The following GPKOW variants were observed in gnomAD, a reference collection of about 807,000 sequenced individuals.
GPKOW encodes G-patch domain and KOW motifs, also known as G-patch domain and KOW motifs-containing protein.
For synonymous variants in GPKOW, 167 were observed against 159.1 expected, an observed-to-expected ratio of 1.05 and a Z score of -0.37; for missense variants, 359 against 404.7, an observed-to-expected ratio of 0.89 and a Z score of 0.97.
rs782792236 is a variant in GPKOW, at chrX:49,115,811, A to AG, written c.1141-17dup. The AG allele has an allele frequency of 8.4e-7, 1 of 1,197,593 alleles. No homozygotes were observed. Among genetic ancestry groups the AG allele is most frequent in the South Asian group, 1.8e-5 (1 of 56,635 alleles). The stretch of plus-strand genomic sequence containing the variant: ...CAATTATCATCTGGGGATACAGGTC[A>AG]GGGGGATGTGAGATTTTAGAGAGGT... On this transcript the variant is annotated splice_polypyrimidine_tract_variant and intron_variant, in intron 8 of 10. Coordinates refer to ENST00000156109, the MANE Select transcript of GPKOW (RefSeq NM_015698.6).
intron 3 of GPKOW, among the ~76,000 whole-genome samples, chrX:49,121,557 G>A (rs1482152758): frequency 9.0e-6 from 1 of 111,368 alleles, no homozygotes; most frequent in Non-Finnish European, 1.9e-5. Context: ...AAAAGAAGCA[G>A]TGCAAGAAAT....
intron 10 of GPKOW, 40 bp downstream of exon 10, chrX:49,113,813 G>C: frequency 8.3e-7 from 1 of 1,202,344 alleles, no homozygotes; most frequent in Non-Finnish European, 1.1e-6. Context: ...GACAGGCCCT[G>C]AACGACCCAC....
At chrX:49,117,235 C>A in intron 5 of GPKOW, 73 bp from the exon 6 acceptor site, 1 of 1,062,406 alleles carries the variant, frequency 9.4e-7, no homozygotes, top group East Asian at 3.0e-5. Context: ...AAGATGTCAA[C>A]CCCTTACCTC....
chrX:49,122,549 G>C (rs782263586), intron 2 of GPKOW, 27 bp from the exon 3 acceptor site: 2 of 1,207,334 alleles, frequency 1.7e-6, no homozygotes, highest in East Asian at 5.9e-5. Context: ...AGGGAGCAAT[G>C]AAGTCCCACT....
chrX:49,118,925 C>G (rs1401048235), intron 4 of GPKOW, among the ~76,000 whole-genome samples: 1 of 99,393 alleles, frequency 1.0e-5, no homozygotes, highest in African/African-American at 3.6e-5. Flanking sequence ...ACTGTATGTG[C>G]TTTATGTATA....
intron 9 of GPKOW, 125 bp downstream of exon 9, chrX:49,115,601 G>A: frequency 2.0e-6 from 1 of 505,347 alleles, no homozygotes; most frequent in Non-Finnish European, 3.5e-6. Flanking sequence ...CTAATGTTCT[G>A]TAAGAGGATG....
rs1195303596 is a variant in GPKOW at position 49,117,775 on chromosome X, T to C, written c.602A>G (p.Lys201Arg). The change falls in exon 5 of 11, where the codon AAG (lysine) becomes AGG (arginine). Residue 201 changes from lysine to arginine, a missense_variant. By Grantham distance (26) the Lys-to-Arg change is conservative (BLOSUM62 2). Transcript: ENST00000156109. ...VKPRVNSLRPKGLGLGANLTE... is the reference protein window; with the variant it reads ...VKPRVNSLRPRGLGLGANLTE... ...CAGGTTGGCACCCAGCCCTAACCCC[T>C]TGGGCCTCAGTGAGTTGACACGGGG... 1 of 1,206,195 alleles carries C rather than the reference T, an allele frequency of 8.3e-7. No homozygotes were observed. The highest frequency in any genetic ancestry group is 1.1e-6 in the Non-Finnish European group (1 of 891,578).
At chrX:49,119,675 C>T in intron 4 of GPKOW, 30 bp downstream of exon 4, 1 of 906,243 alleles carries the variant, frequency 1.1e-6, no homozygotes, top group Non-Finnish European at 1.6e-6. Flanking sequence ...GATGATCTGT[C>T]TGTCCCCTCG....
Position 49,113,748 on chromosome X carries a change from T to C in GPKOW, c.1304A>G (p.His435Arg). The C allele has an allele frequency of 8.3e-7, 1 of 1,207,733 alleles. No homozygotes were observed. The highest frequency in any genetic ancestry group is 1.1e-6 in the Non-Finnish European group (1 of 893,412). ...CCGTGCTCTGTCCCGGCTCAGCAAA[T>C]GTCCCACCTGGAACAGAGGTGAAGT... ...VLGPQTGRVGHLLSRDRARSR... is the reference protein window; with the variant it reads ...VLGPQTGRVGRLLSRDRARSR... Residue 435 changes from histidine to arginine, a missense_variant, in exon 11 of 11, where the codon CAT becomes CGT. Transcript: ENST00000156109.
intron 3 of GPKOW, among the ~76,000 whole-genome samples, chrX:49,121,714 T>C (rs1351452680): frequency 9.0e-6 from 1 of 110,930 alleles, no homozygotes; most frequent in East Asian, 2.8e-4. Context: ...GTTGCCTCAC[T>C]GATGGACACA....
intron 5 of GPKOW, 80 bp downstream of exon 5, chrX:49,117,517 C>A (rs2065197563): frequency 2.7e-6 from 2 of 728,579 alleles, no homozygotes; most frequent in African/African-American, 4.2e-5. Flanking sequence ...TACCTCAAAT[C>A]CAATTATTCC....
Position 49,123,618 on chromosome X carries a change from C to G in GPKOW, c.105G>C (p.Ser35=). The change falls in exon 1 of 11, where the codon TCG becomes TCC. Residue 35 remains serine, a synonymous_variant. Coordinates refer to ENST00000156109, the MANE Select transcript of GPKOW (RefSeq NM_015698.6). The part of the protein sequence containing the change: ...RTSARRRLAD[S]GDGAGPSPEE... ...CCGGAGATGGCCCCGCGCCGTCTCCCGAGTCGGCCAGCCGCCTCCGTGCGG... is the reference window on the plus strand; with the variant it reads ...CCGGAGATGGCCCCGCGCCGTCTCCGGAGTCGGCCAGCCGCCTCCGTGCGG... 8.3e-7 allele frequency: 1 copy of G among 1,209,303 alleles called. No homozygotes were observed. Among genetic ancestry groups the G allele is most frequent in the Non-Finnish European group, 1.1e-6 (1 of 894,175 alleles).
Position 49,123,646 on chromosome X carries a change from G to A in GPKOW, c.77C>T (p.Thr26Met), listed in dbSNP as rs782123837. 3.3e-6 allele frequency: 4 copies of A among 1,210,012 alleles called. No homozygotes were observed. The highest frequency in any genetic ancestry group is 2.2e-5 in the Admixed American group (1 of 45,957). The change falls in exon 1 of 11, where the codon ACG (threonine) becomes ATG (methionine). Residue 26 changes from threonine (T) to methionine (M), a missense_variant. Thr to Met is a moderately conservative substitution (Grantham distance 81). Transcript: ENST00000156109. ...TAPISFGFTR[T>M]SARRRLADSG... ...GTCGGCCAGCCGCCTCCGTGCGGAC[G>A]TGCGAGTGAAGCCGAATGAAATTGG...
At chrX:49,116,746 C>T (rs979820753) in intron 6 of GPKOW, among the ~76,000 whole-genome samples, 1 of 111,976 alleles carries the variant, frequency 8.9e-6, no homozygotes, top group African/African-American at 3.2e-5. Flanking sequence ...AGGTTCATCA[C>T]CCCAAATGGA....
chrX:49,114,921 T>C (rs1204185836), intron 9 of GPKOW, among the ~76,000 whole-genome samples: 10 of 23,552 alleles, frequency 4.2e-4, no homozygotes, highest in Non-Finnish European at 7.2e-5. Flanking sequence ...TGACTCTGTT[T>C]CAAAAAAAAA....
chrX:49,119,525 A>G (rs2065206283), intron 4 of GPKOW, among the ~76,000 whole-genome samples, 180 bp downstream of exon 4: 1 of 112,080 alleles, frequency 8.9e-6, no homozygotes, highest in South Asian at 3.7e-4. Flanking sequence ...ATGGGATTCT[A>G]TTAGAGTTTC....
At chrX:49,115,361 G>T (rs1348000136) in intron 9 of GPKOW, among the ~76,000 whole-genome samples, 3 of 108,551 alleles carry the variant, frequency 2.8e-5, no homozygotes, top group Non-Finnish European at 5.7e-5. Context: ...ACAAAAATTA[G>T]CCAGGTGTGG....
intron 7 of GPKOW, 93 bp from the exon 8 acceptor site, chrX:49,116,107 A>G (rs952721662): frequency 2.2e-5 from 25 of 1,136,801 alleles, no homozygotes; most frequent in Middle Eastern, 2.6e-4. Flanking sequence ...CCCACCCACA[A>G]TGCAGTTCCC....
Position 49,116,316 on chromosome X carries a change from C to T in GPKOW, c.921G>A (p.Gln307=). 1 of 1,182,060 alleles carries T rather than the reference C, an allele frequency of 8.5e-7. No homozygotes were observed. Among genetic ancestry groups the T allele is most frequent in the Non-Finnish European group, 1.2e-6 (1 of 868,900 alleles). Reference sequence around the variant, plus strand: ...TCTTCCGTGATGAGGCAGTTCCGTTCTGTTGCCCTGGGGAAGGAAGTTTTG... The same window carrying T: ...TCTTCCGTGATGAGGCAGTTCCGTTTTGTTGCCCTGGGGAAGGAAGTTTTG... ...FDKNTLDLRQ[Q]NGTASSRKTL... The change falls in exon 7 of 11, where the codon CAG becomes CAA. Residue 307 remains glutamine, a synonymous_variant. Transcript: ENST00000156109.
Sources: allele counts gnomAD v4.1 joint callset (sites outside exome capture counted in the v4.1 genomes callset), GRCh38; gene constraint gnomAD v4.1.1; transcripts MANE v1.5; gene names NCBI Gene and HGNC (gene_info 2026-07-23, HGNC 2026-07-21).